MYRIP: variants seen among roughly 807,000 people sequenced by gnomAD.
The protein encoded by MYRIP is myosin VIIA and Rab interacting protein.
MYRIP carries 49 observed loss-of-function variants against 98.0 expected under a neutral mutation model. The observed-to-expected ratio is 0.50, with a 90% CI of 0.40 to 0.63. The LOEUF (loss-of-function observed/expected upper bound fraction) is 0.63, where lower values mean the gene tolerates loss of function less well. Among genes scored for constraint, MYRIP ranks in the 30% least tolerant of loss-of-function variants. The pLI is 0.00. For synonymous variants in MYRIP, 404 were observed against 409.5 expected, an observed-to-expected ratio of 0.99 and a Z score of 0.16; for missense variants, 1,004 against 1,058.2, an observed-to-expected ratio of 0.95 and a Z score of 0.71.
chr3:40,068,809 G>T (rs768338080), intron 3 of MYRIP, among the ~76,000 whole-genome samples: 11 of 152,186 alleles, frequency 7.2e-5, no homozygotes, highest in Non-Finnish European at 7.3e-5. Context: ...GTCTTTACAT[G>T]TTCCCATGGA....
At chr3:39,878,799 G>C (rs1402740448) in intron 1 of MYRIP, among the ~76,000 whole-genome samples, 4 of 151,630 alleles carry the variant, frequency 2.6e-5, no homozygotes, top group Non-Finnish European at 5.9e-5. Context: ...GCTCACACCT[G>C]TAATCCCAGC....
Position 39,974,227 on chromosome 3 carries a change from C to T in MYRIP, c.111-69823C>T, listed in dbSNP as rs563126278. Among the ~76,000 whole-genome samples the T allele has an allele frequency of 8.5e-5, 13 of 152,070 alleles. No individual in the cohort carries two copies. The East Asian group carries it at 2.1e-3, about 25-fold the overall frequency. On this transcript the variant is annotated intron_variant, in intron 2 of 16. Transcript: ENST00000302541. ...AAAATGATAAAGGGGATATCACCACCGATCCCATAGAAATACAAACTACCA... is the reference window on the plus strand; with the variant it reads ...AAAATGATAAAGGGGATATCACCACTGATCCCATAGAAATACAAACTACCA...
At chr3:39,874,326 C>T (rs1004678135) in intron 1 of MYRIP, among the ~76,000 whole-genome samples, 1 of 151,744 alleles carries the variant, frequency 6.6e-6, no homozygotes, top group Admixed American at 6.6e-5. Context: ...ATTGAATACC[C>T]TTTATTTCCT....
chr3:40,234,881 C>G (rs1476893646), intron 12 of MYRIP, among the ~76,000 whole-genome samples: 3 of 151,732 alleles, frequency 2.0e-5, no homozygotes, highest in Admixed American at 6.6e-5. Flanking sequence ...GTAATCCCAG[C>G]TACTTGGGAG....
intron 3 of MYRIP, among the ~76,000 whole-genome samples, chr3:40,101,410 T>G (rs557354281): frequency 6.6e-6 from 1 of 152,302 alleles, no homozygotes; most frequent in African/African-American, 2.4e-5. Flanking sequence ...CTTTGGGTCT[T>G]TATTTCTGCC....
intron 3 of MYRIP, among the ~76,000 whole-genome samples, chr3:40,133,255 G>T (rs900975466): frequency 1.3e-5 from 2 of 152,226 alleles, no homozygotes; most frequent in African/African-American, 4.8e-5. Flanking sequence ...CTCCTGTGAA[G>T]CCAAGAAAGA....
chr3:40,151,832 C>T (rs947951314), intron 4 of MYRIP, among the ~76,000 whole-genome samples: 1 of 152,126 alleles, frequency 6.6e-6, no homozygotes, highest in South Asian at 2.1e-4. Context: ...TATCTGGTGG[C>T]AGATTTTTTT....
At chr3:40,029,328 G>A (rs1322918203) in intron 2 of MYRIP, among the ~76,000 whole-genome samples, 1 of 152,086 alleles carries the variant, frequency 6.6e-6, no homozygotes, top group Admixed American at 6.6e-5. Flanking sequence ...TTATTAGCTG[G>A]TCTGACATAG....
chr3:39,915,576 G>A (rs565418787), intron 2 of MYRIP, among the ~76,000 whole-genome samples: 2 of 151,868 alleles, frequency 1.3e-5, no homozygotes, highest in Non-Finnish European at 2.9e-5. Context: ...TTTACTAAAA[G>A]CAGTATCTTT....
intron 2 of MYRIP, among the ~76,000 whole-genome samples, chr3:39,916,290 C>G (rs913807357): frequency 1.3e-5 from 2 of 151,926 alleles, no homozygotes; most frequent in Admixed American, 6.6e-5. Flanking sequence ...GTAACACTGT[C>G]TCAACTAAAA....
At position 40,250,297 on chromosome 3, in the gene MYRIP, A is replaced by G; in HGVS notation, c.2338A>G (p.Arg780Gly). Residue 780 changes from arginine to glycine, a missense_variant, in exon 14 of 17, where the codon AGA becomes GGA. Physicochemically the swap from Arg to Gly is moderately radical, Grantham distance 125. This residue lies in a region of MYRIP where 108 missense variants were observed against 111.1 expected (regional missense o/e 0.97). Transcript: ENST00000302541. ...CATAGCACCATGTGTGCGCTTCACA[A>G]GAAGACGGGATCAGAAGCAAAGGAC... is the stretch of plus-strand genomic sequence containing the variant. ...LNIAPCVRFT[R>G]RRDQKQRTQV... The G allele has an allele frequency of 6.2e-7, 1 of 1,614,154 alleles. No homozygotes were observed. The highest frequency in any genetic ancestry group is 8.5e-7 in the Non-Finnish European group (1 of 1,179,972).
intron 11 of MYRIP, among the ~76,000 whole-genome samples, chr3:40,216,711 T>C (rs1049991691): frequency 4.6e-5 from 7 of 152,134 alleles, no homozygotes; most frequent in South Asian, 2.1e-4. Context: ...CATATTCCAT[T>C]GGGGGGAAAA....
At chr3:39,909,068 G>A (rs540566259) in intron 2 of MYRIP, among the ~76,000 whole-genome samples, 1 of 152,316 alleles carries the variant, frequency 6.6e-6, no homozygotes, top group African/African-American at 2.4e-5. Flanking sequence ...AAAAATCAGA[G>A]TTGAGAGCAG....
intron 10 of MYRIP, among the ~76,000 whole-genome samples, chr3:40,204,875 C>G (rs577464539): frequency 6.6e-6 from 1 of 152,276 alleles, no homozygotes; most frequent in African/African-American, 2.4e-5. Flanking sequence ...ATGTCTAAGA[C>G]TTGGGAACCT....
At chr3:39,820,506 T>C (rs1941072357) in intron 1 of MYRIP, among the ~76,000 whole-genome samples, 1 of 152,162 alleles carries the variant, frequency 6.6e-6, no homozygotes, top group Non-Finnish European at 1.5e-5. Context: ...CCTATGTAGC[T>C]CCAGCCTCAG....
intron 2 of MYRIP, among the ~76,000 whole-genome samples, chr3:39,954,840 G>C (rs1280240714): frequency 6.6e-6 from 1 of 152,136 alleles, no homozygotes. Flanking sequence ...TGACCTGATG[G>C]AGCTGAAACC....
intron 2 of MYRIP, among the ~76,000 whole-genome samples, chr3:40,005,311 A>G (rs926255347): frequency 1.3e-5 from 2 of 152,250 alleles, no homozygotes; most frequent in Non-Finnish European, 1.5e-5. Context: ...AACTCATAGT[A>G]CCTGGCAGAG....
chr3:39,973,764 C>A (rs1945666404), intron 2 of MYRIP, among the ~76,000 whole-genome samples: 2 of 152,174 alleles, frequency 1.3e-5, no homozygotes, highest in Admixed American at 6.5e-5. Context: ...AACCGCCCAA[C>A]TACATGGAAA....
chr3:40,240,549 C>T (rs1392971157), intron 12 of MYRIP, among the ~76,000 whole-genome samples: 18 of 152,154 alleles, frequency 1.2e-4, no homozygotes, highest in Admixed American at 9.8e-4. Context: ...CCTGGAAAAT[C>T]GGGTCACTCC....
Sources: allele counts gnomAD v4.1 joint callset (sites outside exome capture counted in the v4.1 genomes callset), GRCh38; gene constraint gnomAD v4.1.1; regional missense constraint gnomAD v4.1.1; transcripts MANE v1.5; gene names NCBI Gene and HGNC (gene_info 2026-07-23, HGNC 2026-07-21).